GRM5: variants seen among roughly 807,000 people sequenced by gnomAD.
GRM5 encodes glutamate metabotropic receptor 5.
In GRM5, 19 loss-of-function variants were observed where a neutral mutation model predicts 83.1. The ratio of observed to expected loss-of-function variants is 0.23; its 90% CI spans 0.16 to 0.34. GRM5 has a LOEUF of 0.34. Among genes scored for constraint, GRM5 ranks in the 10% least tolerant of loss-of-function variants. The pLI is 1.00. For missense variants in GRM5, 1,160 were observed against 1,588.3 expected (o/e 0.73, Z 4.58); for synonymous variants, 675 against 633.6 (o/e 1.07, Z -0.98).
rs981972117 is a variant in GRM5 at position 88,981,580 on chromosome 11, A to G, written c.661+65632T>C. ...GTCATTCGTTCTGGCTGATTTAGAC[A>G]TTTATTAGTCAGAAATAGTATACAC... is the stretch of plus-strand genomic sequence containing the variant. On this transcript the variant is annotated intron_variant, in intron 2 of 9. Coordinates refer to ENST00000305447, the MANE Select transcript of GRM5 (RefSeq NM_001143831.3). Among the ~76,000 whole-genome samples the G allele has an allele frequency of 7.2e-5, 11 of 152,304 alleles. No homozygotes were observed. In the South Asian group the frequency reaches 1.2e-3, roughly 17 times the overall value.
At chr11:88,890,566 A>C (rs1455530347) in intron 2 of GRM5, among the ~76,000 whole-genome samples, 1 of 152,192 alleles carries the variant, frequency 6.6e-6, no homozygotes, top group African/African-American at 2.4e-5. Flanking sequence ...AATTTTTAAG[A>C]AATAAAAATA....
At position 89,009,662 on chromosome 11, in the gene GRM5, C is replaced by T. The variant is rs1355563806; in HGVS notation, c.661+37550G>A. On this transcript the variant is annotated intron_variant, in intron 2 of 9. Coordinates refer to ENST00000305447, the MANE Select transcript of GRM5 (RefSeq NM_001143831.3). Reference sequence around the variant, plus strand: ...CTGTAATCCCAGCACTTTGGGAGGCCGAGGCGGGCGGATCACGAGGTCAGG... The same window carrying T: ...CTGTAATCCCAGCACTTTGGGAGGCTGAGGCGGGCGGATCACGAGGTCAGG... Among the ~76,000 whole-genome samples, 8 of 151,546 alleles carry T rather than the reference C, an allele frequency of 5.3e-5. No individual in the cohort carries two copies. In the South Asian group the frequency reaches 6.2e-4, roughly 12 times the overall value.
intron 2 of GRM5, among the ~76,000 whole-genome samples, chr11:89,023,568 A>C (rs1036259217): frequency 1.3e-5 from 2 of 152,008 alleles, no homozygotes; most frequent in African/African-American, 4.8e-5. Flanking sequence ...TTTTAAGGCC[A>C]GGGGCTGTGG....
chr11:88,983,812 C>T (rs1255251496), intron 2 of GRM5, among the ~76,000 whole-genome samples: 1 of 151,962 alleles, frequency 6.6e-6, no homozygotes, highest in African/African-American at 2.4e-5. Flanking sequence ...TGCCCCCATG[C>T]ACATTATTGC....
At chr11:88,614,479 C>G (rs1448084664) in intron 4 of GRM5, among the ~76,000 whole-genome samples, 2 of 152,080 alleles carry the variant, frequency 1.3e-5, no homozygotes, top group Non-Finnish European at 2.9e-5. Context: ...ATGGGATGCC[C>G]ATTAGACTCT....
intron 4 of GRM5, among the ~76,000 whole-genome samples, chr11:88,614,920 T>C (rs1283507051): frequency 6.6e-6 from 1 of 152,148 alleles, no homozygotes. Flanking sequence ...TGTATCACCT[T>C]TTTAAAAATT....
intron 5 of GRM5, among the ~76,000 whole-genome samples, chr11:88,602,021 T>A (rs187877024): frequency 6.6e-6 from 1 of 152,106 alleles, no homozygotes; most frequent in Non-Finnish European, 1.5e-5. Context: ...GGTAAAATAG[T>A]AAAGGTCCAT....
intron 3 of GRM5, among the ~76,000 whole-genome samples, chr11:88,812,665 G>A: frequency 6.6e-6 from 1 of 152,054 alleles, no homozygotes; most frequent in South Asian, 2.1e-4. Flanking sequence ...CTGCCTCTCT[G>A]CCTTAAAGTG....
At chr11:88,832,792 G>A (rs986035390) in intron 3 of GRM5, among the ~76,000 whole-genome samples, 2 of 152,056 alleles carry the variant, frequency 1.3e-5, no homozygotes, top group African/African-American at 4.8e-5. Flanking sequence ...ACAGAATAGA[G>A]AACCCAGAAA....
At chr11:88,635,368 CA>C (rs1473608776) in intron 4 of GRM5, among the ~76,000 whole-genome samples, 1 of 152,184 alleles carries the variant, frequency 6.6e-6, no homozygotes, top group Non-Finnish European at 1.5e-5. Context: ...GCCATTCTAA[CA>C]GGTGTGAGAT....
chr11:88,897,874 C>T (rs942853825), intron 2 of GRM5, among the ~76,000 whole-genome samples: 2 of 151,886 alleles, frequency 1.3e-5, no homozygotes, highest in South Asian at 2.1e-4. Flanking sequence ...AAGGAGAAAA[C>T]ATGTAAGCTT....
In GRM5 at chr11:88,965,252, T is replaced by A. The variant is rs1232428113; in HGVS notation, c.661+81960A>T. ...AGTTCTGGAGGCTGGAAGTATAAGA[T>A]CAGTTTGCCAGTGTGTTGATTTCTG... On this transcript the variant is annotated intron_variant, in intron 2 of 9. Transcript: ENST00000305447. 6.6e-5 allele frequency among the ~76,000 whole-genome samples: 10 copies of A among 152,272 alleles called. No homozygotes were observed. The East Asian group carries it at 1.4e-3, about 21-fold the overall frequency.
intron 2 of GRM5, among the ~76,000 whole-genome samples, chr11:88,969,542 G>A (rs1393677495): frequency 6.6e-6 from 1 of 152,012 alleles, no homozygotes; most frequent in African/African-American, 2.4e-5. Flanking sequence ...ACAAAATAGA[G>A]TATAGCAAAT....
rs150084762 is a variant in GRM5 at position 88,734,735 on chromosome 11, G to A, written c.912-81332C>T. ...TCACAGATGCTAGTGACAAAATTCT[G>A]TGTATCATTTTTCTTCAAAATATAA... is the stretch of plus-strand genomic sequence containing the variant. On this transcript the variant is annotated intron_variant, in intron 3 of 9. Transcript: ENST00000305447. Among the ~76,000 whole-genome samples the A allele has an allele frequency of 1.2e-4, 18 of 152,074 alleles. No homozygotes were observed. The East Asian group carries it at 3.5e-3, about 29-fold the overall frequency.
At chr11:89,007,987 G>C (rs1456971946) in intron 2 of GRM5, among the ~76,000 whole-genome samples, 1 of 152,096 alleles carries the variant, frequency 6.6e-6, no homozygotes, top group African/African-American at 2.4e-5. Context: ...CACAGTCCTG[G>C]ATAATACTTA....
At chr11:88,803,964 T>G (rs1344357859) in intron 3 of GRM5, among the ~76,000 whole-genome samples, 1 of 151,514 alleles carries the variant, frequency 6.6e-6, no homozygotes, top group Non-Finnish European at 1.5e-5. Flanking sequence ...ATCAGAGAAA[T>G]GCAAATCAAA....
At chr11:89,055,497 C>T (rs1481791540) in intron 1 of GRM5, among the ~76,000 whole-genome samples, 1 of 151,932 alleles carries the variant, frequency 6.6e-6, no homozygotes, top group Non-Finnish European at 1.5e-5. Flanking sequence ...AGGAAAATAG[C>T]ATCACAAAAC....
intron 2 of GRM5, among the ~76,000 whole-genome samples, chr11:89,003,442 C>T (rs1172501686): frequency 6.6e-6 from 1 of 151,986 alleles, no homozygotes; most frequent in Non-Finnish European, 1.5e-5. Context: ...GATAAATAAA[C>T]AGAAAAACTT....
intron 8 of GRM5, among the ~76,000 whole-genome samples, chr11:88,565,213 C>T (rs1428991060): frequency 6.6e-6 from 1 of 152,160 alleles, no homozygotes; most frequent in Non-Finnish European, 1.5e-5. Context: ...GTATTTAATC[C>T]CAGTGCTCTC....
Sources: allele counts gnomAD v4.1 joint callset (sites outside exome capture counted in the v4.1 genomes callset), GRCh38; gene constraint gnomAD v4.1.1; transcripts MANE v1.5; gene names NCBI Gene and HGNC (gene_info 2026-07-23, HGNC 2026-07-21).